PTGES3: variants seen among roughly 807,000 people sequenced by gnomAD.
The protein encoded by PTGES3 is Hsp90 co-chaperone.
Under a neutral mutation model 29.9 loss-of-function variants are expected in PTGES3, and 5 were observed. The ratio of observed to expected loss-of-function variants is 0.17; its 90% CI spans 0.09 to 0.35. PTGES3 has a LOEUF of 0.35. Ranked by LOEUF, PTGES3 falls within the 10% of genes least tolerant of loss-of-function variation. The probability of loss-of-function intolerance (pLI) is 1.00; values close to 1 mark genes in which losing one functional copy is unlikely to be tolerated. For missense variants in PTGES3, 128 were observed against 190.0 expected, an observed-to-expected ratio of 0.67 and a Z score of 1.92; for synonymous variants, 49 against 57.8, an observed-to-expected ratio of 0.85 and a Z score of 0.69.
chr12:56,683,557 A>G (rs966240130), intron 1 of PTGES3, among the ~76,000 whole-genome samples: 16 of 150,322 alleles, frequency 1.1e-4, no homozygotes, highest in African/African-American at 3.9e-4. Flanking sequence ...AAGCTGAGGC[A>G]GAGAACTACT....
intron 6 of PTGES3, chr12:56,665,543 T>G (rs1295971425): frequency 2.6e-5 from 26 of 984,822 alleles, no homozygotes; most frequent in Middle Eastern, 5.2e-4. Context: ...TCCACCCATC[T>G]CCGCCTCCCA....
Position 56,670,310 on chromosome 12 carries a change from C to A in PTGES3, c.340G>T (p.Asp114Tyr), listed in dbSNP as rs925420062. The A allele has an allele frequency of 1.9e-6, 3 of 1,613,634 alleles. No individual in the cohort carries two copies. The highest frequency in any genetic ancestry group is 2.5e-6 in the Non-Finnish European group (3 of 1,179,604). ...NNWKDWEDDS[D>Y]EDMSNFDRFS... ...CGATCAAAATTAGACATGTCTTCAT[C>A]TGAATCATCTTCCCAGTCTTTCCAA... Residue 114 changes from aspartate to tyrosine, a missense_variant, in exon 5 of 8, where the codon GAT becomes TAT. Asp to Tyr is a radical substitution (Grantham distance 160). Transcript: ENST00000262033.
intron 1 of PTGES3, among the ~76,000 whole-genome samples, chr12:56,680,836 T>A (rs1249782344): frequency 6.6e-6 from 1 of 151,744 alleles, no homozygotes; most frequent in Non-Finnish European, 1.5e-5. Flanking sequence ...TGGAGTGCTG[T>A]GGCGTGATCT....
chr12:56,670,374 A>C lies in PTGES3; in HGVS notation c.286-10T>G. ...CACTAAGCCAATTAAGCTATAAATC[A>C]ATACAAATATCACCCTAAGATTAGG... On this transcript the variant is annotated splice_polypyrimidine_tract_variant and intron_variant, in intron 4 of 7. Coordinates refer to ENST00000262033, the MANE Select transcript of PTGES3 (RefSeq NM_006601.7). 1 of 1,575,546 alleles carries C rather than the reference A, an allele frequency of 6.3e-7. No homozygotes were observed. Among genetic ancestry groups the C allele is most frequent in the Non-Finnish European group, 8.7e-7 (1 of 1,144,762 alleles).
intron 1 of PTGES3, among the ~76,000 whole-genome samples, chr12:56,680,245 T>C (rs1053305181): frequency 1.3e-5 from 2 of 151,774 alleles, no homozygotes; most frequent in Non-Finnish European, 2.9e-5. Context: ...TAGCTAATGT[T>C]TTCACATTTT....
At chr12:56,669,963 A>G (rs2137607751) in intron 5 of PTGES3, among the ~76,000 whole-genome samples, 1 of 117,120 alleles carries the variant, frequency 8.5e-6, no homozygotes, top group East Asian at 2.7e-4. Flanking sequence ...TACTGCAATC[A>G]TGCTTTAAAA....
chr12:56,678,582 T>G (rs1266142643), intron 1 of PTGES3, among the ~76,000 whole-genome samples: 2 of 152,192 alleles, frequency 1.3e-5, no homozygotes, highest in Non-Finnish European at 2.9e-5. Context: ...TCTAGCTTCT[T>G]TGGTGCATCA....
At chr12:56,672,594 T>C in intron 3 of PTGES3, 146 bp downstream of exon 3, 1 of 1,044,906 alleles carries the variant, frequency 9.6e-7, no homozygotes, top group Non-Finnish European at 1.3e-6. Context: ...AAACCAATTT[T>C]GGAGGAAATA....
At chr12:56,687,764 T>G in intron 1 of PTGES3, 1 of 1,378,786 alleles carries the variant, frequency 7.3e-7, no homozygotes, top group Non-Finnish European at 9.3e-7. Context: ...AAAGTAGGAT[T>G]TCCGGCATGG....
chr12:56,685,016 GA>G (rs1237714964), intron 1 of PTGES3, among the ~76,000 whole-genome samples: 4 of 152,132 alleles, frequency 2.6e-5, no homozygotes, highest in Non-Finnish European at 5.9e-5. Context: ...AGCTACTCGG[GA>G]GACTGAGGCA....
chr12:56,676,963 C>T (rs574437740), intron 1 of PTGES3, among the ~76,000 whole-genome samples: 13 of 136,582 alleles, frequency 9.5e-5, no homozygotes, highest in African/African-American at 3.6e-4. Context: ...TGGCTAAGTG[C>T]GGTGGCTTAT....
intron 4 of PTGES3, chr12:56,670,672 G>C (rs2137613414): frequency 4.2e-6 from 1 of 235,550 alleles, no homozygotes; most frequent in Middle Eastern, 1.5e-3. Context: ...CCCAGACTTG[G>C]GCGCAAGTAT....
Position 56,664,240 on chromosome 12 carries a change from G to A in PTGES3, c.*239C>T, listed in dbSNP as rs1279817094. On this transcript the variant is annotated 3_prime_UTR_variant, in exon 8 of 8. Coordinates refer to ENST00000262033, the MANE Select transcript of PTGES3 (RefSeq NM_006601.7). ...CTAGGACCTCAACAGCTTCATGAAA[G>A]TCTGGGAAATGTTCATGCATAAGGT... is the stretch of plus-strand genomic sequence containing the variant. 4 of 403,932 alleles carry A rather than the reference G, an allele frequency of 9.9e-6. No homozygotes were observed. The highest frequency in any genetic ancestry group is 1.8e-5 in the Non-Finnish European group (4 of 218,686). The allele number at this position is 403,932 out of a possible 1,614,324, so 25.0% of individuals were successfully genotyped here.
At chr12:56,674,027 C>A (rs1205517003) in intron 1 of PTGES3, among the ~76,000 whole-genome samples, 2 of 152,102 alleles carry the variant, frequency 1.3e-5, no homozygotes, top group African/African-American at 4.8e-5. Flanking sequence ...ATTAAGTTCA[C>A]TGAAACCAGG....
rs913558443 is a variant in PTGES3, at chr12:56,688,189, G to C, written c.-190C>G. 2.9e-6 allele frequency: 3 copies of C among 1,048,546 alleles called. No individual in the cohort carries two copies. Among genetic ancestry groups the C allele is most frequent in the Non-Finnish European group, 3.8e-6 (3 of 780,572 alleles). 65.0% of individuals were successfully genotyped at this position (1,048,546 alleles called of 1,614,324 possible). A position where few individuals can be genotyped will look rare whatever the true frequency, so the allele number is the denominator to read the frequency against. On this transcript the variant is annotated 5_prime_UTR_variant, in exon 1 of 8. Transcript: ENST00000262033. ...GGCCCCAGAATGCACCGCGCGGAAA[G>C]AGCGGCTCCTCCGGTCGGGGAGAAG...
chr12:56,687,381 C>T, intron 1 of PTGES3: 1 of 987,684 alleles, frequency 1.0e-6, no homozygotes, highest in Non-Finnish European at 1.2e-6. Flanking sequence ...CCCGTGTTTT[C>T]AAGAGACTGG....
In PTGES3 at chr12:56,668,541, C is replaced by A. The variant is rs374435476; in HGVS notation, c.375+1734G>T. On this transcript the variant is annotated intron_variant, in intron 5 of 7. Coordinates refer to ENST00000262033, the MANE Select transcript of PTGES3 (RefSeq NM_006601.7). ...ATCACTTGAGCTCAGGAGTTCAAGACCTGCCTAAGCAACACAATGGCTTGC... is the reference window on the plus strand; with the variant it reads ...ATCACTTGAGCTCAGGAGTTCAAGAACTGCCTAAGCAACACAATGGCTTGC... 3.3e-4 allele frequency among the ~76,000 whole-genome samples: 51 copies of A among 152,276 alleles called. 1 individual carries two copies. The highest frequency in any genetic ancestry group is 1.2e-3 in the African/African-American group (50 of 41,550).
intron 1 of PTGES3, among the ~76,000 whole-genome samples, chr12:56,677,524 A>G (rs1952312146): frequency 6.6e-6 from 1 of 152,176 alleles, no homozygotes; most frequent in Non-Finnish European, 1.5e-5. Context: ...ACGAATTTAC[A>G]TTATTGGAAA....
At chr12:56,683,915 G>C (rs1346101428) in intron 1 of PTGES3, among the ~76,000 whole-genome samples, 4 of 146,888 alleles carry the variant, frequency 2.7e-5, no homozygotes, top group South Asian at 4.3e-4. Context: ...AGCCGAGATC[G>C]CGCCACTGCA....
Sources: allele counts gnomAD v4.1 joint callset (sites outside exome capture counted in the v4.1 genomes callset), GRCh38; gene constraint gnomAD v4.1.1; transcripts MANE v1.5; gene names NCBI Gene and HGNC (gene_info 2026-07-23, HGNC 2026-07-21).